AUTS2: variants seen among roughly 807,000 people sequenced by gnomAD.
AUTS2 encodes activator of transcription and developmental regulator AUTS2.
Under a neutral mutation model 112.4 loss-of-function variants are expected in AUTS2, and 17 were observed. That is an observed-to-expected ratio of 0.15 (90% CI 0.10 to 0.23). The LOEUF is 0.23. AUTS2 is among the 10% of genes least tolerant of loss of function. The probability of loss-of-function intolerance (pLI) is 1.00; values close to 1 mark genes in which losing one functional copy is unlikely to be tolerated. For missense variants in AUTS2, 1,510 were observed against 1,701.6 expected (o/e 0.89, Z 1.98); for synonymous variants, 751 against 702.7 (o/e 1.07, Z -1.09).
Position 69,671,481 on chromosome 7 carries a change from C to G in AUTS2, c.309+71519C>G, listed in dbSNP as rs1435438508. Among the ~76,000 whole-genome samples, 136 of 101,926 alleles carry G rather than the reference C, an allele frequency of 1.3e-3. 2 individuals are homozygous for G. The highest frequency in any genetic ancestry group is 3.9e-3 in the South Asian group (11 of 2,846). The allele number at this position is 101,926 out of a possible 152,430, so 66.9% of individuals were successfully genotyped here. On this transcript the variant is annotated intron_variant, in intron 1 of 18. Coordinates refer to ENST00000342771, the MANE Select transcript of AUTS2 (RefSeq NM_015570.4). Reference sequence around the variant, plus strand: ...GCACAAAATGTTTTGGCTGCTGCTGCTGCTGGTGTGTGTGTGTGTGTGTGT... The same window carrying G: ...GCACAAAATGTTTTGGCTGCTGCTGGTGCTGGTGTGTGTGTGTGTGTGTGT...
At chr7:70,607,343 G>C (rs1395082929) in intron 5 of AUTS2, among the ~76,000 whole-genome samples, 4 of 152,218 alleles carry the variant, frequency 2.6e-5, no homozygotes, top group African/African-American at 9.6e-5. Flanking sequence ...CCTCTGGGCA[G>C]AATCCATTGA....
At chr7:70,026,682 A>G (rs576055441) in intron 2 of AUTS2, among the ~76,000 whole-genome samples, 1 of 152,346 alleles carries the variant, frequency 6.6e-6, no homozygotes, top group South Asian at 2.1e-4. Context: ...GGAGCTTGAT[A>G]GTTAGCAGGT....
At chr7:70,497,849 A>G (rs757485759) in intron 5 of AUTS2, among the ~76,000 whole-genome samples, 5 of 152,206 alleles carry the variant, frequency 3.3e-5, no homozygotes, top group Admixed American at 6.5e-5. Flanking sequence ...CGCAGAGACC[A>G]TCAGGAGGAG....
chr7:70,544,507 C>T (rs1174856650), intron 5 of AUTS2, among the ~76,000 whole-genome samples: 2 of 152,158 alleles, frequency 1.3e-5, no homozygotes, highest in Non-Finnish European at 2.9e-5. Context: ...AGGAATAAAT[C>T]CCCTCAAATC....
intron 2 of AUTS2, among the ~76,000 whole-genome samples, chr7:70,105,254 A>G (rs2129570279): frequency 6.6e-6 from 1 of 151,766 alleles, no homozygotes; most frequent in South Asian, 2.1e-4. Flanking sequence ...AAGACTGCAT[A>G]TTTGTCTTTT....
chr7:70,318,160 T>G (rs1225881739), intron 4 of AUTS2, among the ~76,000 whole-genome samples: 4 of 152,156 alleles, frequency 2.6e-5, no homozygotes, highest in South Asian at 2.1e-4. Context: ...AATCGTCAGA[T>G]GAACTCATTC....
chr7:69,730,656 A>G (rs1006840878), intron 1 of AUTS2, among the ~76,000 whole-genome samples: 2 of 152,198 alleles, frequency 1.3e-5, no homozygotes, highest in South Asian at 2.1e-4. Flanking sequence ...TTTTTAATGC[A>G]CTTAAGCCTT....
chr7:70,040,432 C>T (rs972973966), intron 2 of AUTS2, among the ~76,000 whole-genome samples: 8 of 152,114 alleles, frequency 5.3e-5, no homozygotes, highest in East Asian at 1.9e-4. Flanking sequence ...ACTAAGAAGA[C>T]GATGTTTAAA....
intron 1 of AUTS2, among the ~76,000 whole-genome samples, chr7:69,703,733 G>A (rs1397579134): frequency 6.6e-6 from 1 of 152,162 alleles, no homozygotes; most frequent in Non-Finnish European, 1.5e-5. Context: ...AAATATCAGA[G>A]ATGTTAAATG....
At chr7:69,672,273 G>A (rs895206727) in intron 1 of AUTS2, among the ~76,000 whole-genome samples, 11 of 151,978 alleles carry the variant, frequency 7.2e-5, no homozygotes, top group African/African-American at 1.2e-4. Flanking sequence ...TGGTCAGTCC[G>A]ATCTCGAACT....
intron 4 of AUTS2, among the ~76,000 whole-genome samples, chr7:70,373,998 C>A (rs536897818): frequency 2.6e-5 from 4 of 152,026 alleles, no homozygotes; most frequent in African/African-American, 9.6e-5. Context: ...ATTAACTATA[C>A]TTTATATAAC....
intron 1 of AUTS2, among the ~76,000 whole-genome samples, chr7:69,890,148 G>T (rs573129497): frequency 6.6e-6 from 1 of 152,220 alleles, no homozygotes; most frequent in South Asian, 2.1e-4. Context: ...GCATCTGGTT[G>T]CCAGGGACTC....
chr7:69,913,919 A>G (rs982818579), intron 2 of AUTS2, among the ~76,000 whole-genome samples: 1 of 152,106 alleles, frequency 6.6e-6, no homozygotes, highest in East Asian at 1.9e-4. Context: ...TTTGGAAGAA[A>G]TGGTTCCCCC....
intron 1 of AUTS2, among the ~76,000 whole-genome samples, chr7:69,789,203 A>G (rs1223873709): frequency 6.6e-6 from 1 of 152,166 alleles, no homozygotes; most frequent in African/African-American, 2.4e-5. Context: ...GCTTGTGTGG[A>G]CAATTTCCAT....
chr7:70,484,909 A>G (rs914778847), intron 5 of AUTS2, among the ~76,000 whole-genome samples: 1 of 152,236 alleles, frequency 6.6e-6, no homozygotes, highest in African/African-American at 2.4e-5. Flanking sequence ...TATCAGGGAA[A>G]TGCAAAGTAA....
chr7:70,397,558 A>G (rs983017785), intron 4 of AUTS2, among the ~76,000 whole-genome samples: 2 of 151,932 alleles, frequency 1.3e-5, no homozygotes, highest in Non-Finnish European at 2.9e-5. Context: ...TGTGAGTTTG[A>G]GATTATATAT....
intron 4 of AUTS2, among the ~76,000 whole-genome samples, chr7:70,380,085 T>TA (rs1793299771): frequency 1.3e-5 from 2 of 152,196 alleles, no homozygotes; most frequent in Non-Finnish European, 2.9e-5. Flanking sequence ...CAGTATATAT[T>TA]GATTATTTGA....
chr7:70,329,323 C>G (rs1790640479), intron 4 of AUTS2, among the ~76,000 whole-genome samples: 1 of 152,092 alleles, frequency 6.6e-6, no homozygotes, highest in Non-Finnish European at 1.5e-5. Flanking sequence ...CGATATGATA[C>G]TTCTACATTA....
At chr7:69,953,028 C>G (rs569658790) in intron 2 of AUTS2, among the ~76,000 whole-genome samples, 1 of 152,236 alleles carries the variant, frequency 6.6e-6, no homozygotes, top group African/African-American at 2.4e-5. Context: ...AGGATATTTA[C>G]ATTTTGAATT....
Sources: allele counts gnomAD v4.1 joint callset (sites outside exome capture counted in the v4.1 genomes callset), GRCh38; gene constraint gnomAD v4.1.1; transcripts MANE v1.5; gene names NCBI Gene and HGNC (gene_info 2026-07-23, HGNC 2026-07-21).